Variants in CHN1 observed in about 807,000 individuals in gnomAD.
The protein encoded by CHN1 is chimerin 1.
In CHN1, 37 loss-of-function variants were observed where a neutral mutation model predicts 59.5. The ratio of observed to expected loss-of-function variants is 0.62; its 90% CI spans 0.48 to 0.82. The LOEUF is 0.82. CHN1 is among the 40% of genes least tolerant of loss of function. The probability of loss-of-function intolerance (pLI) is 0.00; values close to 1 mark genes in which losing one functional copy is unlikely to be tolerated. For synonymous variants in CHN1, 206 were observed against 200.4 expected, an observed-to-expected ratio of 1.03 and a Z score of -0.24; for missense variants, 469 against 571.0, an observed-to-expected ratio of 0.82 and a Z score of 1.82.
chr2:174,817,919 G>C (rs1685336170), intron 8 of CHN1, among the ~76,000 whole-genome samples: 1 of 152,166 alleles, frequency 6.6e-6, no homozygotes, highest in African/African-American at 2.4e-5. Context: ...TTACAGGCAT[G>C]AGCCATCGCG....
chr2:174,985,358 C>T (rs1042735349), intron 1 of CHN1, among the ~76,000 whole-genome samples: 5 of 152,090 alleles, frequency 3.3e-5, no homozygotes, highest in African/African-American at 1.2e-4. Flanking sequence ...AAAAAGAAGC[C>T]TAATTTAATT....
At chr2:174,803,079 A>G (rs977609303) in intron 11 of CHN1, among the ~76,000 whole-genome samples, 3 of 152,110 alleles carry the variant, frequency 2.0e-5, no homozygotes, top group South Asian at 2.1e-4. Flanking sequence ...GGTAATTTCA[A>G]TGAGACTCCA....
chr2:174,864,354 T>C (rs1687152488), intron 6 of CHN1, among the ~76,000 whole-genome samples: 1 of 152,194 alleles, frequency 6.6e-6, no homozygotes, highest in Non-Finnish European at 1.5e-5. Flanking sequence ...AAGACTGAAA[T>C]GATGAAAACC....
intron 3 of CHN1, among the ~76,000 whole-genome samples, chr2:174,927,197 T>C (rs1193619): frequency 0.021 from 3,164 of 152,212 alleles, 105 homozygotes; most frequent in African/African-American, 0.071. Flanking sequence ...TCTGTCAAAA[T>C]AAACTTTCTA....
chr2:174,830,510 G>A (rs940337913), intron 7 of CHN1, among the ~76,000 whole-genome samples: 14 of 152,142 alleles, frequency 9.2e-5, no homozygotes, highest in East Asian at 1.9e-4. Context: ...AACAAAGAGC[G>A]AGGTTTTGGT....
At chr2:174,983,974 C>T (rs556430978) in intron 1 of CHN1, among the ~76,000 whole-genome samples, 1 of 151,934 alleles carries the variant, frequency 6.6e-6, no homozygotes, top group South Asian at 2.1e-4. Context: ...TCAGTTTGAG[C>T]TATTTAATTT....
At chr2:174,814,009 G>A (rs1050769174) in intron 8 of CHN1, among the ~76,000 whole-genome samples, 1 of 152,192 alleles carries the variant, frequency 6.6e-6, no homozygotes, top group African/African-American at 2.4e-5. Flanking sequence ...AGTTAACAGA[G>A]ACAAGGAAAA....
chr2:174,931,886 G>A (rs1689359554), intron 3 of CHN1, among the ~76,000 whole-genome samples: 1 of 152,166 alleles, frequency 6.6e-6, no homozygotes, highest in African/African-American at 2.4e-5. Context: ...CTGTATCTGA[G>A]AAGCATGAAG....
At chr2:174,970,665 T>C (rs1366130007) in intron 1 of CHN1, among the ~76,000 whole-genome samples, 1 of 152,200 alleles carries the variant, frequency 6.6e-6, no homozygotes, top group Non-Finnish European at 1.5e-5. Flanking sequence ...GTATCATGTG[T>C]GGGCAAAAGA....
chr2:174,799,424 A>C lies in CHN1; in HGVS notation c.*692T>G, dbSNP rs1684642760. ...TTATTTCTAAAAGCCAATTTAATAA[A>C]TTAATAAACGCATGCCAGAAAAAAT... is the stretch of plus-strand genomic sequence containing the variant. On this transcript the variant is annotated 3_prime_UTR_variant, in exon 13 of 13. Transcript: ENST00000409900. 4 of 451,862 alleles carry C rather than the reference A, an allele frequency of 8.9e-6. No homozygotes were observed. Among genetic ancestry groups the C allele is most frequent in the South Asian group, 5.4e-5 (3 of 55,880 alleles). 28.0% of individuals were successfully genotyped at this position (451,862 alleles called of 1,614,324 possible). A position where few individuals can be genotyped will look rare whatever the true frequency, so the allele number is the denominator to read the frequency against.
Position 174,915,189 on chromosome 2 carries a change from T to C in CHN1, c.147-18A>G, listed in dbSNP as rs1313686490. On this transcript the variant is annotated intron_variant, in intron 4 of 12. Coordinates refer to ENST00000409900, the MANE Select transcript of CHN1 (RefSeq NM_001822.7). ...CATGAAACCTAAGAAACAAAGTCTA[T>C]TCAGAAACTGTGCTTTCTACATTTT... is the stretch of plus-strand genomic sequence containing the variant. 1.9e-6 allele frequency: 3 copies of C among 1,562,812 alleles called. No homozygotes were observed. The highest frequency in any genetic ancestry group is 2.6e-6 in the Non-Finnish European group (3 of 1,140,452).
At chr2:174,936,499 A>C (rs191720464) in intron 3 of CHN1, among the ~76,000 whole-genome samples, 1 of 152,342 alleles carries the variant, frequency 6.6e-6, no homozygotes, top group East Asian at 1.9e-4. Flanking sequence ...CTCTATATAC[A>C]TACATGCACA....
chr2:175,004,739 A>G (rs1029423245), intron 1 of CHN1, among the ~76,000 whole-genome samples, 155 bp downstream of exon 1: 5 of 151,184 alleles, frequency 3.3e-5, no homozygotes, highest in African/African-American at 1.2e-4. Context: ...CGAGGGAGCA[A>G]GCCGGCGCCC....
chr2:174,846,291 A>G, intron 7 of CHN1: 1 of 1,537,588 alleles, frequency 6.5e-7, no homozygotes. Flanking sequence ...TAACACAATA[A>G]TTAAAAACTA....
chr2:174,955,036 C>A (rs1690144041), intron 1 of CHN1, among the ~76,000 whole-genome samples: 1 of 151,426 alleles, frequency 6.6e-6, no homozygotes, highest in South Asian at 2.1e-4. Flanking sequence ...ATGGAACCAG[C>A]CCAAATGCCC....
intron 8 of CHN1, chr2:174,821,594 A>T (rs1685499078): frequency 4.8e-6 from 1 of 209,126 alleles, no homozygotes; most frequent in Admixed American, 5.6e-5. Flanking sequence ...GCGCTCTTAT[A>T]AAGGGGCTTG....
At chr2:174,865,204 G>C (rs1404454262) in intron 6 of CHN1, among the ~76,000 whole-genome samples, 1 of 152,180 alleles carries the variant, frequency 6.6e-6, no homozygotes, top group Non-Finnish European at 1.5e-5. Flanking sequence ...CGGAACATAA[G>C]AGTTGCAATT....
chr2:174,925,877 A>C (rs1410976958), intron 3 of CHN1, among the ~76,000 whole-genome samples: 3 of 152,258 alleles, frequency 2.0e-5, no homozygotes, highest in Admixed American at 6.5e-5. Flanking sequence ...CAACTGCCTC[A>C]GGCACATTTT....
chr2:174,975,657 A>AC (rs1690900895), intron 1 of CHN1, among the ~76,000 whole-genome samples: 1 of 147,776 alleles, frequency 6.8e-6, no homozygotes, highest in African/African-American at 2.6e-5. Flanking sequence ...AAAACAAACA[A>AC]AAAAAAAAAA....
Sources: gnomAD v4.1 joint callset for allele counts (sites outside exome capture counted in the v4.1 genomes callset) on GRCh38, gnomAD v4.1.1 for gene constraint, MANE v1.5 for transcripts, NCBI Gene and HGNC (gene_info 2026-07-23, HGNC 2026-07-21) for gene names.